IGSF21: variants seen among roughly 807,000 people sequenced by gnomAD.
IGSF21 encodes the protein immunoglobin superfamily member 21.
A neutral mutation model predicts 46.8 loss-of-function variants in IGSF21; 28 were observed. The observed-to-expected ratio is 0.60, with a 90% confidence interval of 0.44 to 0.82. The LOEUF (loss-of-function observed/expected upper bound fraction) is 0.82. Ranked by LOEUF, IGSF21 falls within the 40% of genes least tolerant of loss-of-function variation. IGSF21 has a pLI of 0.00. For missense variants in IGSF21, 624 were observed against 665.5 expected, an observed-to-expected ratio of 0.94 and a Z score of 0.69; for synonymous variants, 284 against 273.6, an observed-to-expected ratio of 1.04 and a Z score of -0.38.
At chr1:18,331,212 C>G (rs1211161248) in intron 3 of IGSF21, among the ~76,000 whole-genome samples, 1 of 152,062 alleles carries the variant, frequency 6.6e-6, no homozygotes, top group Admixed American at 6.6e-5. Context: ...GCCCATCACC[C>G]GAGCAGTATG....
Position 18,227,572 on chromosome 1 carries a change from C to T in IGSF21, c.71-326C>T, listed in dbSNP as rs145217761. 4.8e-3 allele frequency among the ~76,000 whole-genome samples: 726 copies of T among 151,780 alleles called. 6 individuals carry two copies. The highest frequency in any genetic ancestry group is 0.017 in the African/African-American group (706 of 41,338). ...GGTATCTTATAGAAATACATTGAGG[C>T]TGTTCTTGGAGGTGCCAGCAGGTCC... On this transcript the variant is annotated intron_variant, in intron 1 of 9. Transcript: ENST00000251296.
At chr1:18,262,013 AG>A (rs1461464532) in intron 2 of IGSF21, among the ~76,000 whole-genome samples, 1 of 152,204 alleles carries the variant, frequency 6.6e-6, no homozygotes, top group Non-Finnish European at 1.5e-5. Context: ...AATGTGTGTA[AG>A]AATCACCTGA....
intron 4 of IGSF21, among the ~76,000 whole-genome samples, chr1:18,356,276 C>G (rs1311454027): frequency 6.6e-6 from 1 of 152,072 alleles, no homozygotes; most frequent in Non-Finnish European, 1.5e-5. Flanking sequence ...GTTTACTCAC[C>G]CACCCCCACC....
At chr1:18,198,454 C>T (rs973138537) in intron 1 of IGSF21, among the ~76,000 whole-genome samples, 1 of 152,192 alleles carries the variant, frequency 6.6e-6, no homozygotes, top group African/African-American at 2.4e-5. Context: ...GAGCCAGGCT[C>T]CCAGGGTGCC....
chr1:18,215,619 C>T (rs556025560), intron 1 of IGSF21, among the ~76,000 whole-genome samples: 2 of 152,256 alleles, frequency 1.3e-5, no homozygotes, highest in South Asian at 2.1e-4. Context: ...GGTGCATAGA[C>T]CCAGTGGCCC....
At chr1:18,261,960 G>T (rs1234883443) in intron 2 of IGSF21, among the ~76,000 whole-genome samples, 7 of 152,236 alleles carry the variant, frequency 4.6e-5, no homozygotes, top group African/African-American at 1.7e-4. Context: ...AGCTTCACCA[G>T]TGAGCTCTGG....
rs1253254428 is a variant in IGSF21 at position 18,337,708 on chromosome 1, G to C, written c.424+2698G>C. On this transcript the variant is annotated intron_variant, in intron 4 of 9. Coordinates refer to ENST00000251296, the MANE Select transcript of IGSF21 (RefSeq NM_032880.5). This position sits in a 1 kb window ranked among gnomAD's most constrained non-coding sequence, Gnocchi z 5.7. ...CTGGCACCATGCACCTATGGAAGGA[G>C]CCAGGATATATCCCAACTGTCATAA... is the stretch of plus-strand genomic sequence containing the variant. Among the ~76,000 whole-genome samples, 1 of 152,170 alleles carries C rather than the reference G, an allele frequency of 6.6e-6. No individual in the cohort carries two copies. Among genetic ancestry groups the C allele is most frequent in the African/African-American group, 2.4e-5 (1 of 41,436 alleles).
intron 1 of IGSF21, among the ~76,000 whole-genome samples, chr1:18,154,765 C>T (rs1159329268): frequency 1.3e-5 from 2 of 151,798 alleles, no homozygotes; most frequent in African/African-American, 4.8e-5. Flanking sequence ...CAAATTCGTC[C>T]TCTCCTTTCC....
At chr1:18,375,387 C>T (rs2086270263) in intron 6 of IGSF21, among the ~76,000 whole-genome samples, 1 of 152,126 alleles carries the variant, frequency 6.6e-6, no homozygotes, top group African/African-American at 2.4e-5. Context: ...CTGTGAGTGA[C>T]CTTGGATAAG....
intron 1 of IGSF21, among the ~76,000 whole-genome samples, chr1:18,117,513 A>G (rs1056808645): frequency 1.3e-5 from 2 of 152,124 alleles, no homozygotes; most frequent in African/African-American, 4.8e-5. Flanking sequence ...GGTTTCTTCA[A>G]CCGCACTTGT....
chr1:18,133,475 G>C (rs1300635883), intron 1 of IGSF21, among the ~76,000 whole-genome samples: 1 of 152,240 alleles, frequency 6.6e-6, no homozygotes, highest in African/African-American at 2.4e-5. Context: ...GACAAATGCG[G>C]CTGTAATTTA....
chr1:18,115,904 G>GAAA (rs1491501616), intron 1 of IGSF21: 1 of 111,450 alleles, frequency 9.0e-6, no homozygotes, highest in Non-Finnish European at 1.9e-5. Context: ...AAAGAAAGAA[G>GAAA]GAGAGGGAGG....
At chr1:18,291,824 G>A (rs771891515) in intron 2 of IGSF21, 42 bp from the exon 3 acceptor site, 73 of 1,607,018 alleles carry the variant, frequency 4.5e-5, no homozygotes, top group East Asian at 2.2e-4. Flanking sequence ...GACCAGGGCC[G>A]GTTGAGCACT....
At chr1:18,227,654 T>C (rs921570232) in intron 1 of IGSF21, among the ~76,000 whole-genome samples, 2 of 151,624 alleles carry the variant, frequency 1.3e-5, no homozygotes, top group African/African-American at 4.8e-5. Context: ...GAGGGATCCA[T>C]TGGAGCCAGG....
Position 18,122,853 on chromosome 1 carries a change from C to T in IGSF21, c.70+14655C>T, listed in dbSNP as rs568130005. On this transcript the variant is annotated intron_variant, in intron 1 of 9. Transcript: ENST00000251296. ...TGTTGCCTAGGCTGGTTTTGAACTC[C>T]TGAGCTCAGGCAATCTGCCCGCCTT... Among the ~76,000 whole-genome samples the T allele has an allele frequency of 2.0e-5, 3 of 152,196 alleles. No individual in the cohort carries two copies. The East Asian group carries it at 5.8e-4, about 29-fold the overall frequency.
In IGSF21 at chr1:18,337,202, A is replaced by G. The variant is rs900874526; in HGVS notation, c.424+2192A>G. On this transcript the variant is annotated intron_variant, in intron 4 of 9. Transcript: ENST00000251296. The surrounding 1 kb of genome is among the most constrained non-coding windows in gnomAD (Gnocchi z 5.7). ...GGTGAGGAAACTGAGGCACAGAGTG[A>G]TCTCGTGGGACTCACTCAGGTTGCA... Among the ~76,000 whole-genome samples, 2 of 152,110 alleles carry G rather than the reference A, an allele frequency of 1.3e-5. No homozygotes were observed. Among genetic ancestry groups the G allele is most frequent in the Non-Finnish European group, 2.9e-5 (2 of 68,006 alleles).
chr1:18,230,896 G>T lies in IGSF21; in HGVS notation c.183+2886G>T, dbSNP rs564485991. ...CCCTGCCAGACGAACCCCCCACTGT[G>T]GCTTCCTTCCCCATCTCCCTCTCCC... On this transcript the variant is annotated intron_variant, in intron 2 of 9. Coordinates refer to ENST00000251296, the MANE Select transcript of IGSF21 (RefSeq NM_032880.5). Among the ~76,000 whole-genome samples the T allele has an allele frequency of 5.7e-4, 86 of 151,712 alleles. 1 individual carries two copies. In the South Asian group the frequency reaches 0.017, roughly 29 times the overall value.
intron 1 of IGSF21, among the ~76,000 whole-genome samples, chr1:18,176,727 A>G (rs948088202): frequency 2.6e-5 from 4 of 152,170 alleles, no homozygotes; most frequent in Admixed American, 6.5e-5. Flanking sequence ...GGGTCTCCAC[A>G]GAGAATTTAG....
At chr1:18,160,235 G>A (rs2086605438) in intron 1 of IGSF21, among the ~76,000 whole-genome samples, 1 of 152,194 alleles carries the variant, frequency 6.6e-6, no homozygotes, top group African/African-American at 2.4e-5. Context: ...TCACTCTGCT[G>A]GAGTTAGAGC....
Sources: allele counts gnomAD v4.1 joint callset (sites outside exome capture counted in the v4.1 genomes callset), GRCh38; gene constraint gnomAD v4.1.1; non-coding constraint Gnocchi (gnomAD v3.1); transcripts MANE v1.5; gene names NCBI Gene and HGNC (gene_info 2026-07-23, HGNC 2026-07-21).